The following OSR1 variants were observed in gnomAD, a reference collection of about 807,000 sequenced individuals.
OSR1 encodes the protein odd-skipped related transcription factor 1.
In OSR1, 3 loss-of-function variants were observed where a neutral mutation model predicts 15.7. That is an observed-to-expected ratio of 0.19 (90% confidence interval 0.09 to 0.50). The LOEUF is 0.50. Among genes scored for constraint, OSR1 ranks in the 20% least tolerant of loss-of-function variants. The pLI, the probability that OSR1 is intolerant of heterozygous loss-of-function variation, is 0.97. For missense variants in OSR1, 271 were observed against 351.1 expected, an observed-to-expected ratio of 0.77 and a Z score of 1.82; for synonymous variants, 166 against 152.7, an observed-to-expected ratio of 1.09 and a Z score of -0.64.
At chr2:19,347,466 C>T (rs1664751044), downstream of OSR1, among the ~76,000 whole-genome samples, 1 of 152,138 alleles carries the variant, frequency 6.6e-6, no homozygotes, top group Non-Finnish European at 1.5e-5. Flanking sequence ...GTCTTCTGGC[C>T]CTTCCCCTCA....
At chr2:19,353,863 G>A in intron 1 of OSR1, 26 bp from the exon 2 acceptor site, 1 of 1,520,524 alleles carries the variant, frequency 6.6e-7, no homozygotes, top group Admixed American at 2.1e-5. Flanking sequence ...GAAGGCAGGG[G>A]CGTGGAGAGG....
chr2:19,345,151 A>C, the OSR1 span, among the ~76,000 whole-genome samples: 1 of 152,238 alleles, frequency 6.6e-6, no homozygotes, highest in African/African-American at 2.4e-5. Context: ...CTAAAGTGTC[A>C]GTTAGGAATT....
At chr2:19,356,859 CAG>C (rs918171808) in intron 1 of OSR1, 50 of 152,394 alleles carry the variant, frequency 3.3e-4, no homozygotes, top group African/African-American at 1.2e-3. Context: ...ATGAAGTGTG[CAG>C]AGTCTATTAA....
chr2:19,348,497 C>A (rs1216755712), downstream of OSR1: 1 of 154,134 alleles, frequency 6.5e-6, no homozygotes, highest in African/African-American at 2.4e-5. Flanking sequence ...AGAGGCTTCG[C>A]GCTCTGAGAG....
intron 2 of OSR1, 46 bp from the exon 3 acceptor site, chr2:19,352,456 T>C (rs770221485): frequency 6.2e-7 from 1 of 1,603,846 alleles, no homozygotes; most frequent in South Asian, 1.1e-5. Context: ...TGATGCAATG[T>C]TATAAACAGT....
In OSR1 at chr2:19,352,360, C is replaced by T; in HGVS notation, c.716G>A (p.Gly239Glu). 6.2e-7 allele frequency: 1 copy of T among 1,614,148 alleles called. No individual in the cohort carries two copies. Among genetic ancestry groups the T allele is most frequent in the East Asian group, 2.2e-5 (1 of 44,886 alleles). ...KPFKCQECGK[G>E]FCQSRTLAVH... ...AGCGAGAGTCCTGGACTGGCAGAAT[C>T]CTTTCCCACACTCTTGACACTTGAA... Residue 239 changes from glycine to glutamate, a missense_variant, in exon 3 of 3, where the codon GGA (glycine) becomes GAA (glutamate). By Grantham distance (98) the Gly-to-Glu change is moderately conservative. Around this residue, in one of 4 missense-constraint regions of OSR1, gnomAD observed 8 missense variants for 41.5 expected, o/e 0.19. Transcript: ENST00000272223.
downstream of OSR1, among the ~76,000 whole-genome samples, chr2:19,347,728 G>C (rs1039127201): frequency 7.2e-5 from 11 of 152,184 alleles, no homozygotes; most frequent in Non-Finnish European, 1.2e-4. Context: ...GGACCGCAGC[G>C]AACTTTCTGG....
At position 19,352,327 on chromosome 2, in the gene OSR1, T is replaced by C; in HGVS notation, c.749A>G (p.Lys250Arg). ...CTCCTTCACCTGTGAGTGTAGCGTC[T>C]TGTGGACAGCGAGAGTCCTGGACTG... Reference protein sequence around the residue: ...FCQSRTLAVHKTLHSQVKELK... With the variant: ...FCQSRTLAVHRTLHSQVKELK... The change falls in exon 3 of 3, where the codon AAG (lysine) becomes AGG (arginine). Residue 250 changes from lysine to arginine, a missense_variant. Coordinates refer to ENST00000272223, the MANE Select transcript of OSR1 (RefSeq NM_145260.3). 1.2e-6 allele frequency: 2 copies of C among 1,614,254 alleles called. No individual in the cohort carries two copies. Among genetic ancestry groups the C allele is most frequent in the Non-Finnish European group, 1.7e-6 (2 of 1,180,046 alleles).
In OSR1 at chr2:19,356,677, C is replaced by G. The variant is rs556906963; in HGVS notation, c.-33+1664G>C. The G allele has an allele frequency of 5.2e-5, 8 of 152,394 alleles. No homozygotes were observed. In the East Asian group the frequency reaches 1.5e-3, roughly 30 times the overall value. 9.4% of individuals were successfully genotyped at this position (152,394 alleles called of 1,614,324 possible). A position where few individuals can be genotyped will look rare whatever the true frequency, so the allele number is the denominator to read the frequency against. On this transcript the variant is annotated intron_variant, in intron 1 of 2. Coordinates refer to ENST00000272223, the MANE Select transcript of OSR1 (RefSeq NM_145260.3). The stretch of plus-strand genomic sequence containing the variant: ...CCTTCCCCAGGCTAGGCACCCATTC[C>G]TCAAACAGCTTGGGCCTCAGGACCT...
rs962061526 is a variant in OSR1 at position 19,357,460 on chromosome 2, C to T, written c.-33+881G>A. 6.6e-6 allele frequency among the ~76,000 whole-genome samples: 1 copy of T among 152,194 alleles called. No individual in the cohort carries two copies. The highest frequency in any genetic ancestry group is 2.4e-5 in the African/African-American group (1 of 41,456). Reference sequence around the variant, plus strand: ...CTAAACGTGGTTTTTCATTCTTCTCCGAGACATTTCCGAGGAGAAATTAGT... The same window carrying T: ...CTAAACGTGGTTTTTCATTCTTCTCTGAGACATTTCCGAGGAGAAATTAGT... On this transcript the variant is annotated intron_variant, in intron 1 of 2. Transcript: ENST00000272223. The surrounding 1 kb of genome is among the most constrained non-coding windows in gnomAD (Gnocchi z 5.0).
At chr2:19,352,516 A>T in intron 2 of OSR1, 106 bp from the exon 3 acceptor site, 1 of 1,375,794 alleles carries the variant, frequency 7.3e-7, no homozygotes, top group Non-Finnish European at 1.0e-6. Flanking sequence ...TCAAAGGAAA[A>T]GTGTATAGTC....
At chr2:19,345,023 A>G in the OSR1 span, among the ~76,000 whole-genome samples, 15 of 152,186 alleles carry the variant, frequency 9.9e-5, no homozygotes, top group African/African-American at 1.2e-4. Flanking sequence ...TCATACATGT[A>G]TATGTGTGTA....
At chr2:19,344,927 A>G in the OSR1 span, among the ~76,000 whole-genome samples, 1 of 152,224 alleles carries the variant, frequency 6.6e-6, no homozygotes. Flanking sequence ...GGGCATTAAA[A>G]CAGTTGGACA....
rs1664890441 is a variant in OSR1 at position 19,353,694 on chromosome 2, G to C, written c.112C>G (p.Leu38Val). 1.2e-6 allele frequency: 2 copies of C among 1,614,232 alleles called. No homozygotes were observed. The highest frequency in any genetic ancestry group is 2.7e-5 in the African/African-American group (2 of 75,086). The change falls in exon 2 of 3, where the codon CTG becomes GTG. Residue 38 changes from leucine (L) to valine (V), a missense_variant. Physicochemically the swap from Leu to Val is conservative, Grantham distance 32. Around this residue, in one of 4 missense-constraint regions of OSR1, gnomAD observed 210 missense variants for 218.4 expected, o/e 0.96. Transcript: ENST00000272223. ...GCGCTGAAACCATACAGGTTGGGCA[G>C]ATGGTCCGAAGGCACTGTGGGCAGG... ...NGLPTVPSDHLPNLYGFSALH... is the reference protein window; with the variant it reads ...NGLPTVPSDHVPNLYGFSALH...
the OSR1 span, among the ~76,000 whole-genome samples, chr2:19,345,961 A>C: frequency 6.6e-6 from 1 of 152,238 alleles, no homozygotes; most frequent in Non-Finnish European, 1.5e-5. Context: ...GAAGCTAAAG[A>C]GTCTAGCCAT....
At position 19,357,036 on chromosome 2, in the gene OSR1, C is replaced by T. The variant is rs1437103384; in HGVS notation, c.-33+1305G>A. 2.0e-5 allele frequency: 3 copies of T among 152,302 alleles called. No homozygotes were observed. The highest frequency in any genetic ancestry group is 2.1e-4 in the South Asian group (1 of 4,822). The allele number at this position is 152,302 out of a possible 1,614,324, so 9.4% of individuals were successfully genotyped here. A position where few individuals can be genotyped will look rare whatever the true frequency, so the allele number is the denominator to read the frequency against. ...GAGTGGTGACAGGCGTCCGGACCCC[C>T]GTGAAGAGGACTGACCGGCACCGGA... On this transcript the variant is annotated intron_variant, in intron 1 of 2. Transcript: ENST00000272223. This position sits in a 1 kb window ranked among gnomAD's most constrained non-coding sequence, Gnocchi z 5.0.
chr2:19,348,028 T>C (rs1461870297), downstream of OSR1, among the ~76,000 whole-genome samples: 1 of 152,240 alleles, frequency 6.6e-6, no homozygotes, highest in South Asian at 2.1e-4. Context: ...AGCACTGGCC[T>C]GCGAGTTCCT....
chr2:19,345,696 T>C, the OSR1 span, among the ~76,000 whole-genome samples: 1 of 152,216 alleles, frequency 6.6e-6, no homozygotes, highest in Non-Finnish European at 1.5e-5. Flanking sequence ...CAATGATCTC[T>C]CCAACGATAA....
intron 1 of OSR1, chr2:19,358,084 G>C (rs28672852): frequency 0.074 from 11,307 of 152,362 alleles, 648 homozygotes; most frequent in African/African-American, 0.15. Context: ...AGAGCCGGGC[G>C]GGCTGGCCGC....
Sources: allele counts gnomAD v4.1 joint callset (sites outside exome capture counted in the v4.1 genomes callset), GRCh38; gene constraint gnomAD v4.1.1; regional missense constraint gnomAD v4.1.1; non-coding constraint Gnocchi (gnomAD v3.1); transcripts MANE v1.5; gene names NCBI Gene and HGNC (gene_info 2026-07-23, HGNC 2026-07-21).